KCNK2: variants seen among roughly 807,000 people sequenced by gnomAD.
KCNK2 encodes potassium channel subfamily K member 2.
KCNK2 carries 21 observed loss-of-function variants against 40.5 expected under a neutral mutation model. The ratio of observed to expected loss-of-function variants is 0.52; its 90% CI spans 0.37 to 0.75. The LOEUF is 0.75. Ranked by LOEUF, KCNK2 falls within the 30% of genes least tolerant of loss-of-function variation. The pLI is 0.00. For synonymous variants in KCNK2, 191 were observed against 202.2 expected (o/e 0.94, Z 0.47); for missense variants, 399 against 531.6 (o/e 0.75, Z 2.45).
chr1:215,227,773 AAAGAAG>A (rs1666452036), intron 6 of KCNK2, among the ~76,000 whole-genome samples: 7 of 152,132 alleles, frequency 4.6e-5, no homozygotes, highest in Non-Finnish European at 1.0e-4. Flanking sequence ...ATAGGAATGG[AAAGAAG>A]TGAAGGAATT....
chr1:215,036,794 T>C (rs1358372344), intron 1 of KCNK2, among the ~76,000 whole-genome samples: 1 of 151,900 alleles, frequency 6.6e-6, no homozygotes, highest in African/African-American at 2.4e-5. Context: ...TTTGTGTGTG[T>C]TATTGTTTAG....
chr1:215,012,543 T>C (rs530612638), intron 1 of KCNK2, among the ~76,000 whole-genome samples: 2 of 151,952 alleles, frequency 1.3e-5, no homozygotes, highest in South Asian at 4.2e-4. Flanking sequence ...ACAATCATAG[T>C]TCACAGCAGC....
rs899698242 is a variant in KCNK2 at position 215,105,362 on chromosome 1, G to A, written c.357+18684G>A. 1.6e-4 allele frequency among the ~76,000 whole-genome samples: 25 copies of A among 152,122 alleles called. No homozygotes were observed. In the East Asian group the frequency reaches 2.1e-3, roughly 13 times the overall value. On this transcript the variant is annotated intron_variant, in intron 2 of 6. Transcript: ENST00000444842. ...TCCTTACGTGATTGGTTTACTTAGC[G>A]TAGTATTATCAAGTTTCATCCATGT...
At chr1:215,184,991 TAGAAGATGAA>T (rs1664375457) in intron 5 of KCNK2, among the ~76,000 whole-genome samples, 1 of 152,164 alleles carries the variant, frequency 6.6e-6, no homozygotes, top group South Asian at 2.1e-4. Flanking sequence ...TATCATTTTG[TAGAAGATGAA>T]AAATTCAGAG....
intron 3 of KCNK2, among the ~76,000 whole-genome samples, chr1:215,133,504 G>A (rs1661763503): frequency 6.6e-6 from 1 of 152,040 alleles, no homozygotes; most frequent in South Asian, 2.1e-4. Flanking sequence ...ATGATTATCA[G>A]AAACTTTTTT....
chr1:215,209,459 A>T (rs1403484013), intron 6 of KCNK2, among the ~76,000 whole-genome samples: 2 of 22,142 alleles, frequency 9.0e-5, no homozygotes, highest in Non-Finnish European at 1.5e-4. Flanking sequence ...TATATTATAT[A>T]TTATATATAA....
At chr1:215,172,678 A>T (rs999183698) in intron 5 of KCNK2, among the ~76,000 whole-genome samples, 4 of 151,986 alleles carry the variant, frequency 2.6e-5, no homozygotes, top group Non-Finnish European at 5.9e-5. Context: ...TATTTTTGAG[A>T]TAGAGTCTTG....
intron 2 of KCNK2, among the ~76,000 whole-genome samples, chr1:215,092,267 T>G (rs919959043): frequency 1.3e-5 from 2 of 152,056 alleles, no homozygotes; most frequent in African/African-American, 4.8e-5. Context: ...AACCCCAAGA[T>G]TTTTGGCCCA....
chr1:215,157,400 G>A (rs1421551678), intron 3 of KCNK2, among the ~76,000 whole-genome samples: 1 of 152,082 alleles, frequency 6.6e-6, no homozygotes, highest in African/African-American at 2.4e-5. Context: ...CCAGATCCAA[G>A]GTTCAGTCCT....
chr1:215,117,143 T>C (rs543127228), intron 2 of KCNK2, among the ~76,000 whole-genome samples: 2 of 152,124 alleles, frequency 1.3e-5, no homozygotes, highest in East Asian at 3.9e-4. Context: ...ATAAAACAAG[T>C]ACCATGTCCA....
intron 6 of KCNK2, among the ~76,000 whole-genome samples, chr1:215,202,812 G>T (rs144159026): frequency 6.6e-6 from 1 of 152,174 alleles, no homozygotes; most frequent in East Asian, 1.9e-4. Flanking sequence ...CTTGTGAAAG[G>T]TTATACAGCT....
chr1:215,118,829 A>G (rs1661057956), intron 2 of KCNK2, among the ~76,000 whole-genome samples: 1 of 152,168 alleles, frequency 6.6e-6, no homozygotes, highest in Non-Finnish European at 1.5e-5. Context: ...TTGTACCTGC[A>G]GTTCAGAATT....
At chr1:215,090,432 C>G (rs1236227751) in intron 2 of KCNK2, among the ~76,000 whole-genome samples, 1 of 152,118 alleles carries the variant, frequency 6.6e-6, no homozygotes, top group African/African-American at 2.4e-5. Context: ...TGTAAAGTTT[C>G]CTGTTATTCC....
At chr1:215,089,560 G>A (rs965086525) in intron 2 of KCNK2, among the ~76,000 whole-genome samples, 4 of 152,128 alleles carry the variant, frequency 2.6e-5, no homozygotes, top group Admixed American at 2.6e-4. Flanking sequence ...TGGGGTTGGG[G>A]AGGTGAGGGA....
intron 6 of KCNK2, among the ~76,000 whole-genome samples, chr1:215,198,570 A>C (rs1433822616): frequency 1.3e-5 from 2 of 152,366 alleles, no homozygotes; most frequent in East Asian, 3.9e-4. Flanking sequence ...AATCAATAAA[A>C]GCCAACTAAA....
intron 4 of KCNK2, among the ~76,000 whole-genome samples, chr1:215,170,566 A>C (rs1383684153): frequency 6.6e-6 from 1 of 152,186 alleles, no homozygotes; most frequent in Non-Finnish European, 1.5e-5. Context: ...ATGAAATAAA[A>C]TATCGAGTAT....
intron 2 of KCNK2, among the ~76,000 whole-genome samples, chr1:215,093,720 A>C (rs1331072523): frequency 1.1e-5 from 1 of 89,410 alleles, no homozygotes; most frequent in Non-Finnish European, 2.0e-5. Context: ...TATATTATAT[A>C]AAAATATATA....
At chr1:215,018,848 C>T (rs934265706) in intron 1 of KCNK2, among the ~76,000 whole-genome samples, 8 of 152,050 alleles carry the variant, frequency 5.3e-5, no homozygotes, top group Non-Finnish European at 2.9e-5. Context: ...TAAAAGATCA[C>T]CCTGGCTGCT....
upstream of KCNK2, among the ~76,000 whole-genome samples, chr1:215,078,542 C>T (rs999287810): frequency 6.6e-6 from 1 of 152,146 alleles, no homozygotes; most frequent in African/African-American, 2.4e-5. Context: ...ATAAAACCAT[C>T]AGATCTCATG....
Sources: allele counts gnomAD v4.1 joint callset (sites outside exome capture counted in the v4.1 genomes callset), GRCh38; gene constraint gnomAD v4.1.1; transcripts MANE v1.5; gene names NCBI Gene and HGNC (gene_info 2026-07-23, HGNC 2026-07-21).